PRDM1: variants seen among roughly 807,000 people sequenced by gnomAD.
PRDM1 encodes PR domain zinc finger protein 1.
In PRDM1, 13 loss-of-function variants were observed where a neutral mutation model predicts 62.8. That is an observed-to-expected ratio of 0.21 (90% CI 0.13 to 0.33). PRDM1 has a LOEUF of 0.33. Ranked by LOEUF, PRDM1 falls within the 10% of genes least tolerant of loss-of-function variation. PRDM1 has a pLI of 1.00. For synonymous variants in PRDM1, 396 were observed against 417.6 expected, an observed-to-expected ratio of 0.95 and a Z score of 0.63; for missense variants, 895 against 1,058.8, an observed-to-expected ratio of 0.85 and a Z score of 2.15.
intron 1 of PRDM1, among the ~76,000 whole-genome samples, chr6:106,010,827 G>C (rs527361977): frequency 6.6e-6 from 1 of 152,144 alleles, no homozygotes; most frequent in Non-Finnish European, 1.5e-5. Flanking sequence ...CGATGACCTC[G>C]AGCCTTTCCC....
At chr6:106,089,879 G>T (rs2114621043) in intron 2 of PRDM1, among the ~76,000 whole-genome samples, 1 of 152,288 alleles carries the variant, frequency 6.6e-6, no homozygotes, top group South Asian at 2.1e-4. Context: ...AGCTTCGTTT[G>T]TGCTGTGTTG....
intron 1 of PRDM1, among the ~76,000 whole-genome samples, chr6:105,998,359 C>T (rs1415841773): frequency 1.3e-5 from 2 of 151,982 alleles, no homozygotes; most frequent in African/African-American, 4.8e-5. Context: ...CAAAGCCAGC[C>T]TGGACAACAT....
At chr6:106,014,624 CGAT>C (rs1562144822) in intron 1 of PRDM1, among the ~76,000 whole-genome samples, 1 of 149,970 alleles carries the variant, frequency 6.7e-6, no homozygotes, top group Non-Finnish European at 1.5e-5. Flanking sequence ...ATCAATAAAA[CGAT>C]GATAGATAAT....
At chr6:105,997,274 G>T (rs1165133958) in intron 1 of PRDM1, among the ~76,000 whole-genome samples, 2 of 152,068 alleles carry the variant, frequency 1.3e-5, no homozygotes, top group Admixed American at 6.6e-5. Context: ...TCTGTTGAAT[G>T]ATTTTTTTTT....
At chr6:106,058,633 C>T (rs563345560) in intron 1 of PRDM1, among the ~76,000 whole-genome samples, 15 of 152,172 alleles carry the variant, frequency 9.9e-5, no homozygotes, top group African/African-American at 3.1e-4. Context: ...AGTGCAGTGG[C>T]GCAATCTCGG....
intron 4 of PRDM1, among the ~76,000 whole-genome samples, chr6:106,101,317 C>T (rs1173301824): frequency 6.6e-6 from 1 of 152,176 alleles, no homozygotes; most frequent in Non-Finnish European, 1.5e-5. Flanking sequence ...ATGCTTCCCG[C>T]ACCCTGTGCC....
intron 1 of PRDM1, among the ~76,000 whole-genome samples, chr6:106,008,414 C>T (rs560752527): frequency 6.6e-6 from 1 of 152,108 alleles, no homozygotes; most frequent in African/African-American, 2.4e-5. Flanking sequence ...ATGACTCACA[C>T]TTGTGGAAAT....
chr6:106,072,978 G>A (rs948419666), intron 1 of PRDM1, among the ~76,000 whole-genome samples: 1 of 152,142 alleles, frequency 6.6e-6, no homozygotes, highest in Non-Finnish European at 1.5e-5. Context: ...AGTGGCTGCC[G>A]GCTCTGCTCT....
chr6:106,000,571 T>C (rs1772414912), intron 1 of PRDM1, among the ~76,000 whole-genome samples: 2 of 150,708 alleles, frequency 1.3e-5, no homozygotes, highest in South Asian at 4.3e-4. Flanking sequence ...TATTTCCATG[T>C]ATGTTTTCCA....
chr6:106,053,826 C>G (rs1773219599), intron 1 of PRDM1, among the ~76,000 whole-genome samples: 1 of 150,768 alleles, frequency 6.6e-6, no homozygotes, highest in Non-Finnish European at 1.5e-5. Context: ...CCACCACCCC[C>G]CAGCCCTCCA....
At chr6:106,038,252 T>C (rs1441346417) in intron 1 of PRDM1, among the ~76,000 whole-genome samples, 1 of 152,012 alleles carries the variant, frequency 6.6e-6, no homozygotes, top group Non-Finnish European at 1.5e-5. Flanking sequence ...CCCAAAGTGC[T>C]GGGATTATAG....
intron 4 of PRDM1, among the ~76,000 whole-genome samples, chr6:106,100,947 G>A (rs1774251796): frequency 6.6e-6 from 1 of 152,142 alleles, no homozygotes; most frequent in Non-Finnish European, 1.5e-5. Context: ...CGCTCCCCGA[G>A]ACTCTGGAGA....
chr6:106,098,292 A>T lies in PRDM1; in HGVS notation c.412-1008A>T, dbSNP rs145998237. ...CTCCTAAAAAGAGGGGAAGAGAGAA[A>T]ACTTTGTGTGGAAGGATAAGGAGTG... On this transcript the variant is annotated intron_variant, in intron 3 of 6. Transcript: ENST00000369096. The T allele has an allele frequency of 2.0e-4, 193 of 985,262 alleles. 2 individuals are homozygous for T. In the African/African-American group the frequency reaches 2.9e-3, roughly 15 times the overall value. 61.0% of individuals were successfully genotyped at this position (985,262 alleles called of 1,614,324 possible). A position where few individuals can be genotyped will look rare whatever the true frequency, so the allele number is the denominator to read the frequency against.
At chr6:105,995,446 G>A (rs1772337419) in intron 1 of PRDM1, among the ~76,000 whole-genome samples, 1 of 152,214 alleles carries the variant, frequency 6.6e-6, no homozygotes, top group Non-Finnish European at 1.5e-5. Context: ...GAAACAAAAG[G>A]AAAAGGTGTT....
chr6:105,996,860 T>C (rs1313680862), intron 1 of PRDM1, among the ~76,000 whole-genome samples: 1 of 152,228 alleles, frequency 6.6e-6, no homozygotes, highest in Admixed American at 6.5e-5. Flanking sequence ...AAATGTGATT[T>C]CCGCCAAATT....
chr6:106,014,921 G>A, intron 1 of PRDM1, among the ~76,000 whole-genome samples: 1 of 152,116 alleles, frequency 6.6e-6, no homozygotes, highest in South Asian at 2.1e-4. Context: ...GTGAGATGGG[G>A]GTGAGGAGAG....
intron 1 of PRDM1, among the ~76,000 whole-genome samples, chr6:106,011,976 A>C (rs1306893864): frequency 6.7e-6 from 1 of 149,008 alleles, no homozygotes; most frequent in African/African-American, 2.5e-5. Context: ...ACACACAAAC[A>C]TACCACACAC....
At chr6:106,027,209 T>G (rs1772776671) in intron 1 of PRDM1, among the ~76,000 whole-genome samples, 1 of 152,222 alleles carries the variant, frequency 6.6e-6, no homozygotes, top group African/African-American at 2.4e-5. Context: ...AAGACATTAA[T>G]CGCTGCACTT....
intron 1 of PRDM1, among the ~76,000 whole-genome samples, chr6:106,039,298 G>A (rs143736315): frequency 1.5e-3 from 234 of 152,220 alleles, no homozygotes; most frequent in African/African-American, 5.1e-3. Context: ...TAGACAGAGA[G>A]CCTTTTTGTG....
Sources: allele counts gnomAD v4.1 joint callset (sites outside exome capture counted in the v4.1 genomes callset), GRCh38; gene constraint gnomAD v4.1.1; transcripts MANE v1.5; gene names NCBI Gene and HGNC (gene_info 2026-07-23, HGNC 2026-07-21).